The following CSGALNACT1 variants were observed in gnomAD, a reference collection of about 807,000 sequenced individuals.
The protein encoded by CSGALNACT1 is chondroitin sulfate N-acetylgalactosaminyltransferase 1.
In CSGALNACT1, 52 loss-of-function variants were observed where a neutral mutation model predicts 51.0. The ratio of observed to expected loss-of-function variants is 1.02; its 90% CI spans 0.82 to 1.29. The LOEUF (loss-of-function observed/expected upper bound fraction) is 1.29, where lower values mean the gene tolerates loss of function less well. Among genes scored for constraint, CSGALNACT1 ranks in the 50% most tolerant of loss-of-function variants. The pLI, the probability that CSGALNACT1 is intolerant of heterozygous loss-of-function variation, is 0.00. For missense variants in CSGALNACT1, 935 were observed against 679.2 expected (o/e 1.38, Z -4.19); for synonymous variants, 341 against 254.4 (o/e 1.34, Z -3.24).
At chr8:19,625,747 GA>G (rs2054367162) in intron 1 of CSGALNACT1, among the ~76,000 whole-genome samples, 2 of 152,276 alleles carry the variant, frequency 1.3e-5, no homozygotes, top group Admixed American at 1.3e-4. Flanking sequence ...AGGCTTAAGA[GA>G]GGGGGCCTTA....
chr8:19,546,260 T>G (rs909711220), intron 3 of CSGALNACT1, among the ~76,000 whole-genome samples: 16 of 152,182 alleles, frequency 1.1e-4, no homozygotes, highest in Admixed American at 7.2e-4. Flanking sequence ...AATCGTGTTT[T>G]TGTAAGTAAG....
intron 1 of CSGALNACT1, among the ~76,000 whole-genome samples, chr8:19,676,355 T>G (rs747809645): frequency 9.2e-5 from 14 of 152,132 alleles, no homozygotes; most frequent in Non-Finnish European, 1.8e-4. Flanking sequence ...AAGCTGGGCA[T>G]TCCCAGCAGG....
chr8:19,667,030 AGGAAGG>A lies in CSGALNACT1; in HGVS notation c.-544+15437_-544+15442del, dbSNP rs2059401583. 3.9e-4 allele frequency among the ~76,000 whole-genome samples: 16 copies of A among 41,306 alleles called. 2 individuals are homozygous for A. The highest frequency in any genetic ancestry group is 2.8e-3 in the African/African-American group (16 of 5,746). 27.1% of individuals were successfully genotyped at this position (41,306 alleles called of 152,430 possible). On this transcript the variant is annotated intron_variant, in intron 1 of 9. Transcript: ENST00000332246. ...AAGAAAGAAAGAAAGGAAGGAAGGA[AGGAAGG>A]AAGGAAGAAAGAAAGAAAGAAAGAA...
upstream of CSGALNACT1, among the ~76,000 whole-genome samples, chr8:19,686,478 A>C (rs2060984443): frequency 6.6e-6 from 1 of 152,178 alleles, no homozygotes; most frequent in African/African-American, 2.4e-5. Flanking sequence ...TCCAGTTTCA[A>C]AGTTCCAGTG....
intron 5 of CSGALNACT1, among the ~76,000 whole-genome samples, chr8:19,453,205 G>C (rs547615947): frequency 1.4e-4 from 21 of 150,354 alleles, no homozygotes; most frequent in African/African-American, 4.8e-4. Context: ...TCTTAGACAT[G>C]TTTCACACTT....
intron 3 of CSGALNACT1, among the ~76,000 whole-genome samples, chr8:19,518,527 G>C (rs1393041422): frequency 1.3e-5 from 2 of 152,180 alleles, no homozygotes; most frequent in Non-Finnish European, 2.9e-5. Context: ...ATGTAAATCA[G>C]AGACTGCCTC....
chr8:19,447,426 G>T (rs1282639544), intron 5 of CSGALNACT1, among the ~76,000 whole-genome samples: 1 of 152,186 alleles, frequency 6.6e-6, no homozygotes, highest in African/African-American at 2.4e-5. Flanking sequence ...CAGATATGAT[G>T]GACTGGTGAC....
chr8:19,623,723 C>T (rs996485307), intron 1 of CSGALNACT1, among the ~76,000 whole-genome samples: 1 of 152,178 alleles, frequency 6.6e-6, no homozygotes, highest in East Asian at 1.9e-4. Context: ...AACCAATAAA[C>T]TTTTAAAGAA....
At chr8:19,651,134 A>T (rs1051760952) in intron 1 of CSGALNACT1, among the ~76,000 whole-genome samples, 1 of 152,214 alleles carries the variant, frequency 6.6e-6, no homozygotes, top group Admixed American at 6.5e-5. Flanking sequence ...AGGTTTTGCC[A>T]TTGTAGTACA....
intron 3 of CSGALNACT1, among the ~76,000 whole-genome samples, chr8:19,570,313 A>C (rs986982250): frequency 3.3e-5 from 5 of 152,292 alleles, no homozygotes; most frequent in African/African-American, 9.6e-5. Flanking sequence ...ATTTTCTTTA[A>C]GCATATTTTT....
At chr8:19,497,580 A>C (rs78066493) in intron 4 of CSGALNACT1, among the ~76,000 whole-genome samples, 2 of 152,214 alleles carry the variant, frequency 1.3e-5, no homozygotes, top group African/African-American at 4.8e-5. Context: ...TCTAATGGAA[A>C]AGTGGACAAC....
intron 1 of CSGALNACT1, among the ~76,000 whole-genome samples, chr8:19,673,744 A>G (rs1417915823): frequency 6.6e-6 from 1 of 152,224 alleles, no homozygotes; most frequent in Non-Finnish European, 1.5e-5. Context: ...GTTACCATAC[A>G]ATTTCTGCAG....
intron 4 of CSGALNACT1, among the ~76,000 whole-genome samples, chr8:19,485,732 C>A (rs1382626840): frequency 7.4e-6 from 1 of 135,088 alleles, no homozygotes; most frequent in Non-Finnish European, 1.5e-5. Flanking sequence ...TGGGCACTAA[C>A]TAAAGTCTCA....
At chr8:19,441,681 A>G (rs2061354716) in intron 5 of CSGALNACT1, among the ~76,000 whole-genome samples, 2 of 152,222 alleles carry the variant, frequency 1.3e-5, no homozygotes, top group African/African-American at 4.8e-5. Context: ...TGTCTAAAAC[A>G]CCAAAAGCAA....
chr8:19,692,883 G>A (rs547548677), intron 1 of CSGALNACT1, among the ~76,000 whole-genome samples: 1 of 152,318 alleles, frequency 6.6e-6, no homozygotes, highest in South Asian at 2.1e-4. Context: ...CCTGGCACAG[G>A]AAGGGCTCTC....
intron 5 of CSGALNACT1, among the ~76,000 whole-genome samples, chr8:19,448,586 G>A (rs369245469): frequency 1.3e-5 from 2 of 152,128 alleles, no homozygotes; most frequent in East Asian, 1.9e-4. Context: ...AGGAGAGCAC[G>A]GTTATTTCCA....
At chr8:19,737,348 C>T (rs1475708892) in intron 1 of CSGALNACT1, among the ~76,000 whole-genome samples, 2 of 152,054 alleles carry the variant, frequency 1.3e-5, no homozygotes, top group African/African-American at 2.4e-5. Context: ...CAAATGAATG[C>T]TCACCATTTA....
chr8:19,643,776 G>T (rs1303354705), intron 1 of CSGALNACT1, among the ~76,000 whole-genome samples: 1 of 152,158 alleles, frequency 6.6e-6, no homozygotes, highest in Non-Finnish European at 1.5e-5. Flanking sequence ...AATTAACCAG[G>T]ATAGCACACA....
intron 1 of CSGALNACT1, among the ~76,000 whole-genome samples, chr8:19,635,396 G>T (rs1339609239): frequency 6.6e-6 from 1 of 152,208 alleles, no homozygotes; most frequent in African/African-American, 2.4e-5. Context: ...AGTCCTACCT[G>T]CCTACTGGTG....
Sources: gnomAD v4.1 joint callset for allele counts (sites outside exome capture counted in the v4.1 genomes callset) on GRCh38, gnomAD v4.1.1 for gene constraint, MANE v1.5 for transcripts, NCBI Gene and HGNC (gene_info 2026-07-23, HGNC 2026-07-21) for gene names.